Variants in CDH13 observed in about 807,000 individuals in gnomAD.
CDH13 encodes the protein cadherin 13, also known as cadherin-13.
Under a neutral mutation model 63.8 loss-of-function variants are expected in CDH13, and 24 were observed. The ratio of observed to expected loss-of-function variants is 0.38; its 90% CI spans 0.27 to 0.53. The LOEUF (loss-of-function observed/expected upper bound fraction) is 0.53, where lower values mean the gene tolerates loss of function less well. Ranked by LOEUF, CDH13 falls within the 20% of genes least tolerant of loss-of-function variation. The probability of loss-of-function intolerance (pLI) is 0.85; values close to 1 mark genes in which losing one functional copy is unlikely to be tolerated. For missense variants in CDH13, 1,049 were observed against 903.1 expected (o/e 1.16, Z -2.07); for synonymous variants, 503 against 355.3 (o/e 1.42, Z -4.67).
chr16:83,590,109 C>G (rs972271236), intron 7 of CDH13, among the ~76,000 whole-genome samples: 1 of 152,164 alleles, frequency 6.6e-6, no homozygotes, highest in Non-Finnish European at 1.5e-5. Flanking sequence ...AAGAGTTTGT[C>G]TTTCATGCTT....
chr16:83,011,099 A>C (rs922879444), intron 2 of CDH13, among the ~76,000 whole-genome samples: 1 of 152,168 alleles, frequency 6.6e-6, no homozygotes, highest in Non-Finnish European at 1.5e-5. Context: ...ACACAGCACA[A>C]TCTTTGGGGC....
chr16:83,420,734 G>A (rs976362959), intron 6 of CDH13, among the ~76,000 whole-genome samples: 1 of 152,194 alleles, frequency 6.6e-6, no homozygotes, highest in Non-Finnish European at 1.5e-5. Context: ...GAAGTCCATA[G>A]TGGCTCAGTC....
chr16:82,688,436 A>T (rs937396853), intron 1 of CDH13, among the ~76,000 whole-genome samples: 1 of 152,222 alleles, frequency 6.6e-6, no homozygotes, highest in African/African-American at 2.4e-5. Context: ...CAAATAATGA[A>T]GCTCACAAGT....
At chr16:82,697,529 A>G (rs2030468030) in intron 1 of CDH13, among the ~76,000 whole-genome samples, 1 of 145,902 alleles carries the variant, frequency 6.9e-6, no homozygotes, top group Non-Finnish European at 1.5e-5. Context: ...TCCGGGTTCA[A>G]GCAATTCTTC....
intron 6 of CDH13, among the ~76,000 whole-genome samples, chr16:83,424,485 T>G (rs188672359): frequency 6.6e-6 from 1 of 152,320 alleles, no homozygotes; most frequent in African/African-American, 2.4e-5. Flanking sequence ...ATCCCCCACT[T>G]TTGAAGCCTC....
chr16:82,913,702 T>A (rs1254231858), intron 2 of CDH13, among the ~76,000 whole-genome samples: 1 of 151,740 alleles, frequency 6.6e-6, no homozygotes, highest in Non-Finnish European at 1.5e-5. Context: ...ACCACTGAGG[T>A]TTGTCTGCGT....
intron 1 of CDH13, among the ~76,000 whole-genome samples, chr16:82,784,990 C>G (rs12385992): frequency 0.73 from 110,959 of 152,026 alleles, 42,388 homozygotes; most frequent in East Asian, 1. Flanking sequence ...TGGACTCAGA[C>G]AGTTAGGGCT....
At chr16:83,727,886 TAATGGGCTCGCTTCTCAA>T in intron 10 of CDH13, among the ~76,000 whole-genome samples, 2 of 152,288 alleles carry the variant, frequency 1.3e-5, no homozygotes, top group South Asian at 2.1e-4. Context: ...CGCCCGCTGC[TAATGGGCTCGCTTCTCAA>T]AGGAGCTTTT....
intron 4 of CDH13, among the ~76,000 whole-genome samples, chr16:83,191,482 TATATATGC>T (rs56364394): frequency 0.07 from 9,097 of 130,612 alleles, 461 homozygotes; most frequent in Non-Finnish European, 0.08. Context: ...TATATATATA[TATATATGC>T]ACATATATAT....
intron 3 of CDH13, among the ~76,000 whole-genome samples, chr16:83,076,620 A>G (rs1284067474): frequency 2.0e-5 from 3 of 151,804 alleles, no homozygotes; most frequent in Admixed American, 6.6e-5. Context: ...TGCTTTATAT[A>G]TATAAATATA....
chr16:83,693,753 G>T (rs1285377415), intron 10 of CDH13, among the ~76,000 whole-genome samples: 1 of 152,176 alleles, frequency 6.6e-6, no homozygotes, highest in Non-Finnish European at 1.5e-5. Flanking sequence ...TTTTTCTAGA[G>T]CACACATATA....
chr16:83,678,428 C>A lies in CDH13; in HGVS notation c.1505C>A (p.Thr502Lys). The change falls in exon 10 of 14, where the codon ACG (threonine) becomes AAG (lysine). Residue 502 changes from threonine to lysine, a missense_variant. Physicochemically the swap from Thr to Lys is moderately conservative, Grantham distance 78. Transcript: ENST00000567109. ...AGCGTGCTGCTGACAGTGAATGCCACGGACCCCGACTCCCTGCAGCATCAA... is the reference window on the plus strand; with the variant it reads ...AGCGTGCTGCTGACAGTGAATGCCAAGGACCCCGACTCCCTGCAGCATCAA... ...VGSVLLTVNA[T>K]DPDSLQHQTI... is the part of the protein sequence containing the mutation. 1 of 1,613,970 alleles carries A rather than the reference C, an allele frequency of 6.2e-7. No individual in the cohort carries two copies. Among genetic ancestry groups the A allele is most frequent in the Non-Finnish European group, 8.5e-7 (1 of 1,179,886 alleles).
At chr16:82,827,370 G>A (rs974346763) in intron 1 of CDH13, among the ~76,000 whole-genome samples, 19 of 152,142 alleles carry the variant, frequency 1.2e-4, no homozygotes, top group African/African-American at 4.6e-4. Flanking sequence ...AGGTATGAAG[G>A]GGTCAAGCAA....
At chr16:83,353,150 T>C (rs2090989934) in intron 6 of CDH13, among the ~76,000 whole-genome samples, 1 of 152,220 alleles carries the variant, frequency 6.6e-6, no homozygotes, top group Non-Finnish European at 1.5e-5. Flanking sequence ...ATAGTTACAC[T>C]AAAAGCCAAG....
chr16:82,828,692 A>G (rs1340406457), intron 1 of CDH13, among the ~76,000 whole-genome samples: 1 of 151,978 alleles, frequency 6.6e-6, no homozygotes, highest in East Asian at 1.9e-4. Context: ...ACACAAACAT[A>G]TATATATACA....
At chr16:83,464,174 G>T (rs1213460934) in intron 6 of CDH13, among the ~76,000 whole-genome samples, 1 of 152,036 alleles carries the variant, frequency 6.6e-6, no homozygotes, top group Admixed American at 6.5e-5. Context: ...TCCTGGTTCA[G>T]GCAGTCTCTT....
intron 7 of CDH13, among the ~76,000 whole-genome samples, chr16:83,590,946 C>T (rs905679250): frequency 3.1e-5 from 4 of 129,892 alleles, no homozygotes; most frequent in East Asian, 4.7e-4. Flanking sequence ...GTTTCGCTCT[C>T]GTTGCCCAGG....
chr16:82,813,330 G>A (rs879576106), intron 1 of CDH13, among the ~76,000 whole-genome samples: 5 of 152,122 alleles, frequency 3.3e-5, no homozygotes, highest in Non-Finnish European at 7.4e-5. Context: ...GCTCCTCTTG[G>A]GATCAGAACT....
intron 3 of CDH13, among the ~76,000 whole-genome samples, chr16:83,062,918 T>C (rs1174816437): frequency 2.0e-5 from 3 of 152,042 alleles, no homozygotes; most frequent in Non-Finnish European, 4.4e-5. Context: ...ATGTGCTGTT[T>C]TGTCTCCCTC....
Sources: gnomAD v4.1 joint callset for allele counts (sites outside exome capture counted in the v4.1 genomes callset) on GRCh38, gnomAD v4.1.1 for gene constraint, MANE v1.5 for transcripts, NCBI Gene and HGNC (gene_info 2026-07-23, HGNC 2026-07-21) for gene names.